BBS9: variants seen among roughly 807,000 people sequenced by gnomAD.
BBS9 encodes Bardet-Biedl syndrome 9.
Under a neutral mutation model 117.7 loss-of-function variants are expected in BBS9, and 89 were observed. That is an observed-to-expected ratio of 0.76 (90% CI 0.64 to 0.90). BBS9 has a LOEUF of 0.90. Ranked by LOEUF, BBS9 falls within the 40% of genes least tolerant of loss-of-function variation. The probability of loss-of-function intolerance (pLI) is 0.00; values close to 1 mark genes in which losing one functional copy is unlikely to be tolerated. For synonymous variants in BBS9, 379 were observed against 370.9 expected (o/e 1.02, Z -0.25); for missense variants, 982 against 1,042.2 (o/e 0.94, Z 0.80).
intron 21 of BBS9, among the ~76,000 whole-genome samples, chr7:33,596,420 C>A (rs1862823372): frequency 6.7e-6 from 1 of 149,898 alleles, no homozygotes; most frequent in African/African-American, 2.5e-5. Context: ...AAAATTCCCA[C>A]CATCATACCT....
At chr7:33,491,646 G>C (rs1843912231) in intron 19 of BBS9, among the ~76,000 whole-genome samples, 2 of 152,182 alleles carry the variant, frequency 1.3e-5, no homozygotes, top group Non-Finnish European at 2.9e-5. Context: ...TGTCTTCACA[G>C]AGCTTACATG....
intron 19 of BBS9, among the ~76,000 whole-genome samples, chr7:33,393,339 A>T (rs17786463): frequency 0.097 from 14,731 of 152,164 alleles, 996 homozygotes; most frequent in Non-Finnish European, 0.15. Context: ...ATAGGTCTTC[A>T]CCTTAGCTTT....
chr7:33,603,711 G>A (rs910161245), intron 21 of BBS9, among the ~76,000 whole-genome samples: 1 of 152,090 alleles, frequency 6.6e-6, no homozygotes, highest in African/African-American at 2.4e-5. Flanking sequence ...GGTATGGCTG[G>A]GCAAGTTCCA....
intron 5 of BBS9, among the ~76,000 whole-genome samples, chr7:33,180,156 C>T (rs1284406259): frequency 1.3e-5 from 2 of 152,254 alleles, no homozygotes; most frequent in Middle Eastern, 3.4e-3. Flanking sequence ...CACTCTGGCT[C>T]ATACCCCTGT....
chr7:33,273,880 A>C lies in BBS9; in HGVS notation c.940A>C (p.Ile314Leu), dbSNP rs372698195. The C allele has an allele frequency of 6.2e-7, 1 of 1,610,434 alleles. No individual in the cohort carries two copies. The highest frequency in any genetic ancestry group is 8.5e-7 in the Non-Finnish European group (1 of 1,176,962). Reference sequence around the variant, plus strand: ...TGGAAATCATAATAACATGCTGCATATTTATCAAGATGTGACACTGAAGTG... The same window carrying C: ...TGGAAATCATAATAACATGCTGCATCTTTATCAAGATGTGACACTGAAGTG... ...LIGNHNNMLH[I>L]YQDVTLKWAT... Residue 314 changes from isoleucine (I) to leucine (L), a missense_variant, in exon 9 of 23, where the codon ATT becomes CTT. Ile to Leu is a conservative substitution (Grantham distance 5, BLOSUM62 2). Transcript: ENST00000242067.
chr7:33,324,244 A>G (rs1812350274), intron 9 of BBS9, among the ~76,000 whole-genome samples: 1 of 152,152 alleles, frequency 6.6e-6, no homozygotes, highest in Non-Finnish European at 1.5e-5. Context: ...TGAGTTTACC[A>G]TGAGGCTTGC....
At chr7:33,527,284 A>C (rs1849715247) in intron 20 of BBS9, among the ~76,000 whole-genome samples, 1 of 152,092 alleles carries the variant, frequency 6.6e-6, no homozygotes, top group South Asian at 2.1e-4. Context: ...CCCCAGTTCG[A>C]GCTTCCTGGC....
intron 20 of BBS9, chr7:33,505,857 T>A: frequency 1.8e-6 from 1 of 570,354 alleles, no homozygotes. Context: ...ATATAGTCAA[T>A]TTTTATGTGG....
At position 33,298,107 on chromosome 7, in the gene BBS9, A is replaced by G. The variant is rs145822588; in HGVS notation, c.1016+24151A>G. On this transcript the variant is annotated intron_variant, in intron 9 of 22. Transcript: ENST00000242067. ...GCTATAGAAGCATCTTAATTCAGTA[A>G]TGTCATGGTTCAGGAATATTTTCAT... 8.8e-3 allele frequency among the ~76,000 whole-genome samples: 1,342 copies of G among 152,180 alleles called. 16 individuals are homozygous for G. Among genetic ancestry groups the G allele is most frequent in the South Asian group, 0.043 (209 of 4,820 alleles).
intron 5 of BBS9, among the ~76,000 whole-genome samples, chr7:33,219,016 C>A (rs909920332): frequency 6.6e-6 from 1 of 152,216 alleles, no homozygotes; most frequent in Non-Finnish European, 1.5e-5. Flanking sequence ...GCGGCGCTTG[C>A]GGGCCAGCTG....
chr7:33,224,128 ATAC>A (rs1310019892), intron 5 of BBS9, among the ~76,000 whole-genome samples: 1 of 152,202 alleles, frequency 6.6e-6, no homozygotes, highest in East Asian at 1.9e-4. Flanking sequence ...ATTATTTATA[ATAC>A]TACTAATAAC....
Position 33,323,717 on chromosome 7 carries a change from G to A in BBS9, c.1017-12724G>A, listed in dbSNP as rs368874209. ...TTAAGCCACTGTATGTCTTTTGATT[G>A]TACAGTTTAGTACTTTTATGTTCAG... On this transcript the variant is annotated intron_variant, in intron 9 of 22. Coordinates refer to ENST00000242067, the MANE Select transcript of BBS9 (RefSeq NM_198428.3). Among the ~76,000 whole-genome samples, 9 of 150,716 alleles carry A rather than the reference G, an allele frequency of 6.0e-5. No individual in the cohort carries two copies. The South Asian group carries it at 1.7e-3, about 28-fold the overall frequency.
At chr7:33,618,614 G>A (rs1385556562) in intron 21 of BBS9, among the ~76,000 whole-genome samples, 2 of 152,090 alleles carry the variant, frequency 1.3e-5, no homozygotes, top group Admixed American at 1.3e-4. Context: ...CAACACTTTG[G>A]AAGCCTGAGG....
At chr7:33,189,763 G>C (rs559722043) in intron 5 of BBS9, among the ~76,000 whole-genome samples, 1 of 151,596 alleles carries the variant, frequency 6.6e-6, no homozygotes, top group Non-Finnish European at 1.5e-5. Context: ...GCATGTGCCT[G>C]TAGTCCCAGC....
At chr7:33,248,164 T>G (rs1162342486) in intron 5 of BBS9, among the ~76,000 whole-genome samples, 1 of 152,222 alleles carries the variant, frequency 6.6e-6, no homozygotes, top group Non-Finnish European at 1.5e-5. Context: ...TTTATTGGAG[T>G]AACACTTGAA....
At chr7:33,376,453 T>C (rs1823907719) in intron 17 of BBS9, among the ~76,000 whole-genome samples, 1 of 152,178 alleles carries the variant, frequency 6.6e-6, no homozygotes, top group African/African-American at 2.4e-5. Flanking sequence ...TCAATGGACA[T>C]TTAGGTTGAT....
At chr7:33,309,642 GT>G (rs1200838680) in intron 9 of BBS9, among the ~76,000 whole-genome samples, 1 of 152,176 alleles carries the variant, frequency 6.6e-6, no homozygotes, top group Non-Finnish European at 1.5e-5. Flanking sequence ...TTTCCAGCCT[GT>G]TGAATGTATG....
chr7:33,517,784 G>C (rs1187134318), intron 20 of BBS9, among the ~76,000 whole-genome samples: 1 of 152,176 alleles, frequency 6.6e-6, no homozygotes, highest in Non-Finnish European at 1.5e-5. Flanking sequence ...AAAATGAACA[G>C]TCTGACTCAA....
chr7:33,602,119 G>A (rs1863883116), intron 21 of BBS9, among the ~76,000 whole-genome samples: 1 of 152,152 alleles, frequency 6.6e-6, no homozygotes, highest in Non-Finnish European at 1.5e-5. Flanking sequence ...GCAACCAAGG[G>A]AATATGTGAG....
Sources: gnomAD v4.1 joint callset for allele counts (sites outside exome capture counted in the v4.1 genomes callset) on GRCh38, gnomAD v4.1.1 for gene constraint, MANE v1.5 for transcripts, NCBI Gene and HGNC (gene_info 2026-07-23, HGNC 2026-07-21) for gene names.